ANK3: variants seen among roughly 807,000 people sequenced by gnomAD.
ANK3 encodes ankyrin-3.
In ANK3, 57 loss-of-function variants were observed where a neutral mutation model predicts 370.9. The observed-to-expected ratio is 0.15, with a 90% confidence interval of 0.12 to 0.19. The LOEUF (loss-of-function observed/expected upper bound fraction) is 0.19. ANK3 is among the 10% of genes least tolerant of loss of function. The probability of loss-of-function intolerance (pLI) is 1.00; values close to 1 mark genes in which losing one functional copy is unlikely to be tolerated. For synonymous variants in ANK3, 1,929 were observed against 1,946.3 expected, an observed-to-expected ratio of 0.99 and a Z score of 0.23; for missense variants, 4,439 against 5,302.1, an observed-to-expected ratio of 0.84 and a Z score of 5.06.
At chr10:60,151,625 C>T (rs1430486356) in intron 23 of ANK3, among the ~76,000 whole-genome samples, 1 of 152,190 alleles carries the variant, frequency 6.6e-6, no homozygotes, top group Non-Finnish European at 1.5e-5. Context: ...GTTTCAGCCA[C>T]CATGCTTCTT....
At chr10:60,528,351 G>C (rs957443631) in intron 2 of ANK3, among the ~76,000 whole-genome samples, 1 of 151,846 alleles carries the variant, frequency 6.6e-6, no homozygotes, top group Non-Finnish European at 1.5e-5. Flanking sequence ...GGCCAGGCTG[G>C]TCTTGAACTC....
intron 1 of ANK3, among the ~76,000 whole-genome samples, chr10:60,366,610 G>A (rs2059420206): frequency 1.3e-5 from 2 of 152,000 alleles, no homozygotes; most frequent in South Asian, 4.2e-4. Flanking sequence ...GGGGGAAGAA[G>A]AGAGGCAGGA....
intron 8 of ANK3, among the ~76,000 whole-genome samples, chr10:60,218,397 C>T (rs1312240643): frequency 2.0e-5 from 3 of 151,996 alleles, no homozygotes; most frequent in Non-Finnish European, 4.4e-5. Context: ...TATATTTTGT[C>T]ATGTCTTTGC....
intron 8 of ANK3, among the ~76,000 whole-genome samples, chr10:60,220,000 AAAGTAAAGCAGCCTTTC>A (rs1238748591): frequency 6.6e-6 from 1 of 152,198 alleles, no homozygotes; most frequent in Non-Finnish European, 1.5e-5. Flanking sequence ...TTTATAAACC[AAAGTAAAGCAGCCTTTC>A]AAGTGAAAAC....
chr10:60,373,720 C>G (rs1489716446), intron 1 of ANK3, among the ~76,000 whole-genome samples: 2 of 152,196 alleles, frequency 1.3e-5, no homozygotes, highest in East Asian at 3.9e-4. Context: ...TGGAGGATCT[C>G]TCCCTTGCTT....
intron 7 of ANK3, among the ~76,000 whole-genome samples, chr10:60,246,794 C>G (rs189113956): frequency 6.6e-6 from 1 of 152,278 alleles, no homozygotes; most frequent in African/African-American, 2.4e-5. Context: ...GGTCTTCCTT[C>G]GGTTCTCAAG....
intron 1 of ANK3, among the ~76,000 whole-genome samples, chr10:60,344,633 G>A (rs903372031): frequency 7.2e-6 from 1 of 139,032 alleles, no homozygotes; most frequent in Non-Finnish European, 1.6e-5. Context: ...ATTGGCACTA[G>A]GTACACAACT....
At chr10:60,055,227 G>A (rs2078927540) in intron 42 of ANK3, among the ~76,000 whole-genome samples, 1 of 152,200 alleles carries the variant, frequency 6.6e-6, no homozygotes, top group African/African-American at 2.4e-5. Flanking sequence ...AGATGGGTCA[G>A]ATGCTATAGA....
intron 38 of ANK3, among the ~76,000 whole-genome samples, chr10:60,064,959 C>T (rs530802780): frequency 3.2e-4 from 49 of 152,274 alleles, no homozygotes; most frequent in Middle Eastern, 3.4e-3. Context: ...TTACAAGATA[C>T]GTAGAGGTAT....
Position 60,213,616 on chromosome 10 carries a change from G to A in ANK3, c.898-106C>T, listed in dbSNP as rs566372677. 60 of 574,450 alleles carry A rather than the reference G, an allele frequency of 1.0e-4. No individual in the cohort carries two copies. The Middle Eastern group carries it at 1.4e-3, about 13-fold the overall frequency. 35.6% of individuals were successfully genotyped at this position (574,450 alleles called of 1,614,324 possible). On this transcript the variant is annotated intron_variant, in intron 8 of 43. Transcript: ENST00000280772. ...GGCACCCAACATGCTGTGGTCAAGCGGGCTTCAAACATTTGCTCATTTATT... is the reference window on the plus strand; with the variant it reads ...GGCACCCAACATGCTGTGGTCAAGCAGGCTTCAAACATTTGCTCATTTATT...
At chr10:60,516,103 G>C (rs10994395) in intron 2 of ANK3, among the ~76,000 whole-genome samples, 13,708 of 152,020 alleles carry the variant, frequency 0.09, 701 homozygotes, top group South Asian at 0.18. Flanking sequence ...GAATAATGGA[G>C]AATGTAGTAG....
chr10:60,383,303 GT>G (rs1391387998), intron 1 of ANK3, among the ~76,000 whole-genome samples: 1 of 152,054 alleles, frequency 6.6e-6, no homozygotes, highest in Non-Finnish European at 1.5e-5. Flanking sequence ...CTTTTACTTT[GT>G]GCCAAGCACT....
intron 2 of ANK3, among the ~76,000 whole-genome samples, chr10:60,535,338 A>G (rs972859467): frequency 4.6e-5 from 7 of 152,226 alleles, no homozygotes; most frequent in Admixed American, 2.0e-4. Context: ...GCAATGAAAA[A>G]TACGTTCACT....
chr10:60,085,272 A>G lies in ANK3; in HGVS notation c.3749-19T>C, dbSNP rs1190667434. On this transcript the variant is annotated intron_variant, in intron 30 of 43. Transcript: ENST00000280772. ...GTGCCCCCTGAGAGAACAACAGCAG[A>G]TATGTTGACTTTATCATGGGAGATG... The G allele has an allele frequency of 8.9e-6, 14 of 1,579,622 alleles. No individual in the cohort carries two copies. The highest frequency in any genetic ancestry group is 1.4e-5 in the African/African-American group (1 of 73,792).
At chr10:60,266,943 T>C (rs1024173612) in intron 5 of ANK3, among the ~76,000 whole-genome samples, 6 of 152,172 alleles carry the variant, frequency 3.9e-5, no homozygotes, top group Admixed American at 1.3e-4. Flanking sequence ...CAAACAAATA[T>C]ACTGTGTGCT....
rs570005400 is a variant in ANK3 at position 60,512,441 on chromosome 10, T to C, written c.96+102745A>G. 2.6e-5 allele frequency among the ~76,000 whole-genome samples: 4 copies of C among 152,170 alleles called. No homozygotes were observed. The South Asian group carries it at 8.3e-4, about 32-fold the overall frequency. Reference sequence around the variant, plus strand: ...TTTTAAGTGTTTAAGATACCACCAATTGGGAAAGTATCATGATGTACATGA... The same window carrying C: ...TTTTAAGTGTTTAAGATACCACCAACTGGGAAAGTATCATGATGTACATGA... On this transcript the variant is annotated intron_variant, in intron 2 of 43. Transcript: ENST00000373827.
rs117632830 is a variant in ANK3 at position 60,218,836 on chromosome 10, T to C, written c.898-5326A>G. ...GAATTTGCATCTTGGCCTATTTTGCTAGGTCGGGTAAGTTCTCCTGGATAA... is the reference window on the plus strand; with the variant it reads ...GAATTTGCATCTTGGCCTATTTTGCCAGGTCGGGTAAGTTCTCCTGGATAA... On this transcript the variant is annotated intron_variant, in intron 8 of 43. Coordinates refer to ENST00000280772, the MANE Select transcript of ANK3 (RefSeq NM_020987.5). 9.5e-3 allele frequency among the ~76,000 whole-genome samples: 1,448 copies of C among 152,248 alleles called. 29 individuals are homozygous for C. Among genetic ancestry groups the C allele is most frequent in the East Asian group, 0.069 (357 of 5,170 alleles).
chr10:60,425,306 G>A (rs113957408), intron 2 of ANK3, among the ~76,000 whole-genome samples: 45 of 152,018 alleles, frequency 3.0e-4, no homozygotes, highest in Middle Eastern at 3.4e-3. Context: ...TGAGTTCAGA[G>A]GACAACAACA....
intron 1 of ANK3, among the ~76,000 whole-genome samples, chr10:60,707,895 T>C (rs1040320598): frequency 1.1e-4 from 17 of 152,042 alleles, no homozygotes; most frequent in Non-Finnish European, 2.4e-4. Context: ...AAAACAAGAT[T>C]TATTCAACAA....
Sources: allele counts gnomAD v4.1 joint callset (sites outside exome capture counted in the v4.1 genomes callset), GRCh38; gene constraint gnomAD v4.1.1; transcripts MANE v1.5; gene names NCBI Gene and HGNC (gene_info 2026-07-23, HGNC 2026-07-21).